MCPH1: variants seen among roughly 807,000 people sequenced by gnomAD.
MCPH1 encodes the protein microcephalin 1.
MCPH1 carries 104 observed loss-of-function variants against 84.5 expected under a neutral mutation model. The observed-to-expected ratio is 1.23, with a 90% CI of 1.05 to 1.45. The LOEUF (loss-of-function observed/expected upper bound fraction) is 1.45, where lower values mean the gene tolerates loss of function less well. MCPH1 is among the 40% of genes most tolerant of loss of function. The pLI, the probability that MCPH1 is intolerant of heterozygous loss-of-function variation, is 0.00. For missense variants in MCPH1, 1,498 were observed against 1,005.7 expected, an observed-to-expected ratio of 1.49 and a Z score of -6.62; for synonymous variants, 514 against 366.8, an observed-to-expected ratio of 1.40 and a Z score of -4.58.
At chr8:6,434,657 G>A (rs1802377749) in intron 4 of MCPH1, among the ~76,000 whole-genome samples, 2 of 152,206 alleles carry the variant, frequency 1.3e-5, no homozygotes, top group African/African-American at 4.8e-5. Context: ...ATAAATGAGT[G>A]AATAACTAAC....
chr8:6,623,907 T>G (rs1006715369), intron 13 of MCPH1, among the ~76,000 whole-genome samples: 3 of 152,216 alleles, frequency 2.0e-5, no homozygotes, highest in African/African-American at 4.8e-5. Flanking sequence ...CTGGGCCAGC[T>G]GACGGAACTG....
At chr8:6,502,217 T>G (rs1357609294) in intron 12 of MCPH1, 1 of 152,138 alleles carries the variant, frequency 6.6e-6, no homozygotes, top group East Asian at 1.9e-4. Context: ...GAAGTTTCCT[T>G]ATCACAAGGC....
intron 11 of MCPH1, among the ~76,000 whole-genome samples, chr8:6,486,283 TC>T (rs1156751163): frequency 6.6e-6 from 1 of 152,036 alleles, no homozygotes; most frequent in Non-Finnish European, 1.5e-5. Context: ...TCTCTCTCTC[TC>T]TCTCTCTCTC....
At chr8:6,489,771 G>T (rs1046920887) in intron 11 of MCPH1, among the ~76,000 whole-genome samples, 4 of 152,198 alleles carry the variant, frequency 2.6e-5, no homozygotes, top group African/African-American at 9.6e-5. Flanking sequence ...AGTGCTTGGC[G>T]ATGTGGTTGC....
intron 3 of MCPH1, among the ~76,000 whole-genome samples, chr8:6,425,300 T>C (rs774204781): frequency 1.3e-5 from 2 of 152,196 alleles, no homozygotes; most frequent in Non-Finnish European, 2.9e-5. Flanking sequence ...CACTAGATGG[T>C]GGGATAATGT....
intron 12 of MCPH1, among the ~76,000 whole-genome samples, chr8:6,612,590 G>A (rs926265118): frequency 1.3e-5 from 2 of 152,180 alleles, no homozygotes; most frequent in Non-Finnish European, 2.9e-5. Context: ...CCCCCACTGC[G>A]TCCGGCACCG....
At chr8:6,638,856 T>C (rs1797741277) in intron 13 of MCPH1, among the ~76,000 whole-genome samples, 1 of 152,202 alleles carries the variant, frequency 6.6e-6, no homozygotes, top group Non-Finnish European at 1.5e-5. Context: ...AGGGGCTCCC[T>C]GGACATGACC....
chr8:6,633,324 G>A (rs1586882621), intron 13 of MCPH1, among the ~76,000 whole-genome samples: 1 of 152,174 alleles, frequency 6.6e-6, no homozygotes, highest in East Asian at 1.9e-4. Context: ...AACTCATTCA[G>A]CAAAATTCCT....
At chr8:6,606,098 TG>T (rs1829753868) in intron 12 of MCPH1, among the ~76,000 whole-genome samples, 1 of 152,354 alleles carries the variant, frequency 6.6e-6, no homozygotes, top group African/African-American at 2.4e-5. Context: ...GTAAAGCTTT[TG>T]ATAAGTTCAG....
intron 12 of MCPH1, among the ~76,000 whole-genome samples, chr8:6,510,934 T>G (rs1157000462): frequency 1.3e-5 from 2 of 152,212 alleles, no homozygotes; most frequent in African/African-American, 2.4e-5. Flanking sequence ...TCTAAATGCC[T>G]GCTGCAAAAT....
At chr8:6,465,397 C>T (rs568873048) in intron 9 of MCPH1, among the ~76,000 whole-genome samples, 1 of 152,358 alleles carries the variant, frequency 6.6e-6, no homozygotes, top group South Asian at 2.1e-4. Context: ...GCTCCCACCA[C>T]CCCATGTCCA....
rs1206213919 is a variant in MCPH1, at chr8:6,444,805, T to G, written c.1083T>G (p.His361Gln). 2 of 1,614,080 alleles carry G rather than the reference T, an allele frequency of 1.2e-6. No homozygotes were observed. The highest frequency in any genetic ancestry group is 1.7e-6 in the Non-Finnish European group (2 of 1,180,010). The change falls in exon 8 of 14, where the codon CAT becomes CAG. Residue 361 changes from histidine (H) to glutamine (Q), a missense_variant. Physicochemically the swap from His to Gln is conservative, Grantham distance 24. Coordinates refer to ENST00000344683, the MANE Select transcript of MCPH1 (RefSeq NM_024596.5). ...CAGTAAAGAGAAAAAGAGTATCACA[T>G]GGCTCCCATTCACCTCCGAAGGAAA... ...SSSVKRKRVS[H>Q]GSHSPPKEKC...
chr8:6,643,178 C>T lies in MCPH1; in HGVS notation c.*129C>T, dbSNP rs548238521. ...AGATGACTTCTGATATCATGTTTGC[C>T]ATGTGTTGTGGTTCTTAAGAACTCA... On this transcript the variant is annotated 3_prime_UTR_variant, in exon 14 of 14. Transcript: ENST00000344683. The T allele has an allele frequency of 4.1e-5, 34 of 820,896 alleles. No homozygotes were observed. The South Asian group carries it at 4.7e-4, about 11-fold the overall frequency. 50.9% of individuals were successfully genotyped at this position (820,896 alleles called of 1,614,324 possible).
At chr8:6,600,499 G>GC (rs1563172495) in intron 12 of MCPH1, among the ~76,000 whole-genome samples, 5 of 152,222 alleles carry the variant, frequency 3.3e-5, no homozygotes, top group Admixed American at 3.3e-4. Flanking sequence ...GCCACCCTTG[G>GC]CGGCACATCT....
intron 9 of MCPH1, chr8:6,473,777 C>G (rs1227988338): frequency 2.1e-6 from 2 of 933,764 alleles, no homozygotes; most frequent in Non-Finnish European, 1.5e-6. Context: ...GATACTTAAA[C>G]AATTTCTATG....
chr8:6,532,449 C>G, intron 12 of MCPH1: 1 of 1,613,616 alleles, frequency 6.2e-7, no homozygotes, highest in Non-Finnish European at 8.5e-7. Flanking sequence ...GTATCTCTAC[C>G]ATTTCTTTCT....
rs71505127 is a variant in MCPH1, at chr8:6,602,617, A to G, written c.2215-18837A>G. On this transcript the variant is annotated intron_variant, in intron 12 of 13. Transcript: ENST00000344683. Reference sequence around the variant, plus strand: ...CCTTTTGGTTCATTTCCTTTCTTTAATACACAGCAAATTCCTGGTCACCCT... The same window carrying G: ...CCTTTTGGTTCATTTCCTTTCTTTAGTACACAGCAAATTCCTGGTCACCCT... Among the ~76,000 whole-genome samples the G allele has an allele frequency of 8.1e-3, 1,238 of 152,124 alleles. 11 individuals are homozygous for G. Among genetic ancestry groups the G allele is most frequent in the Non-Finnish European group, 0.013 (857 of 67,966 alleles).
chr8:6,615,465 G>A (rs951194995), intron 12 of MCPH1: 1 of 152,486 alleles, frequency 6.6e-6, no homozygotes, highest in South Asian at 2.1e-4. Context: ...AGGGGGTGAT[G>A]TGGGGATGCG....
chr8:6,421,643 G>C (rs1240921293), intron 3 of MCPH1, among the ~76,000 whole-genome samples: 1 of 152,156 alleles, frequency 6.6e-6, no homozygotes, highest in East Asian at 1.9e-4. Flanking sequence ...ACACAGGCAT[G>C]TTCATCTGAC....
Sources: allele counts gnomAD v4.1 joint callset (sites outside exome capture counted in the v4.1 genomes callset), GRCh38; gene constraint gnomAD v4.1.1; transcripts MANE v1.5; gene names NCBI Gene and HGNC (gene_info 2026-07-23, HGNC 2026-07-21).